The following PAAF1 variants were observed in gnomAD, a reference collection of about 807,000 sequenced individuals.
PAAF1 encodes proteasomal ATPase-associated factor 1.
PAAF1 carries 46 observed loss-of-function variants against 52.8 expected under a neutral mutation model. The ratio of observed to expected loss-of-function variants is 0.87; its 90% CI spans 0.69 to 1.11. The LOEUF is 1.11. PAAF1 is among the 50% of genes most tolerant of loss of function. PAAF1 has a pLI of 0.00. For missense variants in PAAF1, 424 were observed against 477.4 expected, an observed-to-expected ratio of 0.89 and a Z score of 1.04; for synonymous variants, 178 against 172.8, an observed-to-expected ratio of 1.03 and a Z score of -0.24.
intron 11 of PAAF1, among the ~76,000 whole-genome samples, chr11:73,926,436 GC>G (rs1950360637): frequency 6.6e-6 from 1 of 152,174 alleles, no homozygotes; most frequent in African/African-American, 2.4e-5. Context: ...TAGTGTTCCG[GC>G]CGGGCGTGGT....
At chr11:73,919,129 TC>T in intron 10 of PAAF1, 97 bp downstream of exon 10, 2 of 1,030,468 alleles carry the variant, frequency 1.9e-6, no homozygotes, top group Non-Finnish European at 2.9e-6. Context: ...TGGGGCATGG[TC>T]CCCCATGATT....
At position 73,891,125 on chromosome 11, in the gene PAAF1, T is replaced by A; in HGVS notation, c.206T>A (p.Ile69Asn). 6.3e-7 allele frequency: 1 copy of A among 1,594,582 alleles called. No homozygotes were observed. The highest frequency in any genetic ancestry group is 8.6e-7 in the Non-Finnish European group (1 of 1,164,004). The stretch of plus-strand genomic sequence containing the variant: ...CTCTTTGTTTAGAAAAGCATTCATA[T>A]TTCATGTCCAAAGGAAAATGCATCT... Reference protein sequence around the residue: ...VNEINKKSIHISCPKENASSK... With the variant: ...VNEINKKSIHNSCPKENASSK... Residue 69 changes from isoleucine to asparagine, a missense_variant, in exon 4 of 12, where the codon ATT (isoleucine) becomes AAT (asparagine). Coordinates refer to ENST00000310571, the MANE Select transcript of PAAF1 (RefSeq NM_025155.3).
intron 10 of PAAF1, chr11:73,922,150 G>GT: frequency 1.1e-6 from 1 of 930,618 alleles, no homozygotes; most frequent in East Asian, 3.3e-5. Context: ...TTTCCAATGA[G>GT]TTCAGTGTCA....
chr11:73,879,690 A>ACCCCCCCCCC (rs376323821), intron 2 of PAAF1: 5 of 146,360 alleles, frequency 3.4e-5, no homozygotes, highest in African/African-American at 2.5e-5. Context: ...ACAAAGTGAG[A>ACCCCCCCCCC]CCCCCTCCCC....
intron 10 of PAAF1, among the ~76,000 whole-genome samples, chr11:73,920,276 A>G (rs564775661): frequency 1.1e-4 from 16 of 152,212 alleles, no homozygotes; most frequent in Admixed American, 3.9e-4. Context: ...GCTCATGCCT[A>G]TAATCCCAGC....
chr11:73,922,703 G>C (rs377654398), intron 10 of PAAF1, among the ~76,000 whole-genome samples: 1 of 151,836 alleles, frequency 6.6e-6, no homozygotes, highest in Non-Finnish European at 1.5e-5. Flanking sequence ...TGTAGTCCCA[G>C]CTACTTGGGA....
At position 73,887,356 on chromosome 11, in the gene PAAF1, A is replaced by G. The variant is rs199791399; in HGVS notation, c.91A>G (p.Lys31Glu). 1.7e-4 allele frequency: 281 copies of G among 1,608,250 alleles called. No individual in the cohort carries two copies. Among genetic ancestry groups the G allele is most frequent in the Admixed American group, 7.5e-4 (44 of 58,628 alleles). The change falls in exon 3 of 12, where the codon AAA (lysine) becomes GAA (glutamate). Residue 31 changes from lysine to glutamate, a missense_variant and splice_region_variant. Physicochemically the swap from Lys to Glu is moderately conservative, Grantham distance 56. Coordinates refer to ENST00000310571, the MANE Select transcript of PAAF1 (RefSeq NM_025155.3). ...CATGCTTCTTTTGTACCATATAGGG[A>G]AACCATCTTTGTATGGCAGCCTGAC... ...EAWLSCHPPG[K>E]PSLYGSLTCQ...
chr11:73,892,632 C>T (rs191149745), intron 4 of PAAF1, among the ~76,000 whole-genome samples: 1 of 152,206 alleles, frequency 6.6e-6, no homozygotes, highest in East Asian at 1.9e-4. Context: ...TTTTACATTA[C>T]ATGCTATTTT....
chr11:73,893,787 G>A lies in PAAF1; in HGVS notation c.282+2586G>A, dbSNP rs1239449814. Among the ~76,000 whole-genome samples the A allele has an allele frequency of 6.3e-5, 9 of 141,960 alleles. No individual in the cohort carries two copies. In the East Asian group the frequency reaches 6.5e-4, roughly 10 times the overall value. 93.1% of individuals were successfully genotyped at this position (141,960 alleles called of 152,430 possible). A position where few individuals can be genotyped will look rare whatever the true frequency, so the allele number is the denominator to read the frequency against. On this transcript the variant is annotated intron_variant, in intron 4 of 11. Coordinates refer to ENST00000310571, the MANE Select transcript of PAAF1 (RefSeq NM_025155.3). The stretch of plus-strand genomic sequence containing the variant: ...GAAAGAAAAAACTAAACGTGGGCGC[G>A]GTGGCTCATGCTTATAATCCCAGCA...
chr11:73,891,673 G>A (rs1484415978), intron 4 of PAAF1, among the ~76,000 whole-genome samples: 1 of 152,184 alleles, frequency 6.6e-6, no homozygotes, highest in African/African-American at 2.4e-5. Context: ...TACTCAGGAG[G>A]CTGAGGTGGG....
intron 3 of PAAF1, among the ~76,000 whole-genome samples, chr11:73,890,743 G>T (rs35208638): frequency 0.057 from 8,663 of 152,148 alleles, 277 homozygotes; most frequent in Middle Eastern, 0.11. Flanking sequence ...TGTCCTCTTC[G>T]CACTGATCCT....
chr11:73,910,762 G>A (rs1008060746), intron 7 of PAAF1, among the ~76,000 whole-genome samples: 3 of 151,940 alleles, frequency 2.0e-5, no homozygotes, highest in Admixed American at 1.3e-4. Context: ...AGGCCGAGGC[G>A]GGCGATTCAC....
chr11:73,888,440 T>C (rs1338427504), intron 3 of PAAF1, among the ~76,000 whole-genome samples: 1 of 152,220 alleles, frequency 6.6e-6, no homozygotes, highest in African/African-American at 2.4e-5. Flanking sequence ...AGTAGATGGG[T>C]AAGCAAAGCG....
At chr11:73,887,236 C>G (rs1432951664) in intron 2 of PAAF1, 118 bp from the exon 3 acceptor site, 2 of 645,242 alleles carry the variant, frequency 3.1e-6, no homozygotes, top group Non-Finnish European at 5.1e-6. Context: ...ACCTGTTTTT[C>G]TTTCGTGGGC....
intron 2 of PAAF1, chr11:73,886,887 G>T (rs1949075613): frequency 2.8e-6 from 1 of 360,876 alleles, no homozygotes; most frequent in South Asian, 2.0e-5. Flanking sequence ...TCCCTGGAGA[G>T]TGAGAGTGAC....
intron 9 of PAAF1, among the ~76,000 whole-genome samples, chr11:73,917,167 C>T (rs1431843825): frequency 1.3e-5 from 2 of 151,990 alleles, no homozygotes; most frequent in African/African-American, 2.4e-5. Context: ...ATTACAGGTG[C>T]GCGCTACCAC....
At chr11:73,897,615 C>G (rs1454412894) in intron 4 of PAAF1, among the ~76,000 whole-genome samples, 1 of 151,302 alleles carries the variant, frequency 6.6e-6, no homozygotes, top group Non-Finnish European at 1.5e-5. Context: ...CTCCTCACTT[C>G]CTAGATGGGA....
chr11:73,900,930 C>T (rs964332904), intron 6 of PAAF1, among the ~76,000 whole-genome samples: 4 of 139,660 alleles, frequency 2.9e-5, no homozygotes, highest in African/African-American at 5.5e-5. Context: ...TGCAGTGAGC[C>T]GAGATCCCGC....
rs995824279 is a variant in PAAF1, at chr11:73,929,260, C to G, written c.*1898C>G. 1 of 152,186 alleles carries G rather than the reference C, an allele frequency of 6.6e-6. No individual in the cohort carries two copies. The highest frequency in any genetic ancestry group is 1.5e-5 in the Non-Finnish European group (1 of 68,092). 9.4% of individuals were successfully genotyped at this position (152,186 alleles called of 1,614,324 possible). On this transcript the variant is annotated 3_prime_UTR_variant, in exon 12 of 12. Coordinates refer to ENST00000310571, the MANE Select transcript of PAAF1 (RefSeq NM_025155.3). ...ACAGAGTCTCACCATGTTGCCCAGG[C>G]TGGTCTCAAACTCCTGAACTCAAGT... is the stretch of plus-strand genomic sequence containing the variant.
Sources: gnomAD v4.1 joint callset for allele counts (sites outside exome capture counted in the v4.1 genomes callset) on GRCh38, gnomAD v4.1.1 for gene constraint, MANE v1.5 for transcripts, NCBI Gene and HGNC (gene_info 2026-07-23, HGNC 2026-07-21) for gene names.